ANKRD36B: variants seen among roughly 807,000 people sequenced by gnomAD.
The protein encoded by ANKRD36B is ankyrin repeat domain-containing protein 36B.
In ANKRD36B, 37 loss-of-function variants were observed where a neutral mutation model predicts 135.7. The observed-to-expected ratio is 0.27, with a 90% CI of 0.21 to 0.36. The LOEUF is 0.36. Among genes scored for constraint, ANKRD36B ranks in the 10% least tolerant of loss-of-function variants. ANKRD36B has a pLI of 1.00. For missense variants in ANKRD36B, 549 were observed against 1,037.1 expected (o/e 0.53, Z 6.46); for synonymous variants, 179 against 348.1 (o/e 0.51, Z 5.41).
rs528950417 is a variant in ANKRD36B at position 97,527,054 on chromosome 2, C to T, written c.2266-3587G>A. Among the ~76,000 whole-genome samples, 237 of 94,938 alleles carry T rather than the reference C, an allele frequency of 2.5e-3. 69 individuals carry two copies. The highest frequency in any genetic ancestry group is 6.8e-3 in the African/African-American group (216 of 31,568). 62.3% of individuals were successfully genotyped at this position (94,938 alleles called of 152,430 possible). A position where few individuals can be genotyped will look rare whatever the true frequency, so the allele number is the denominator to read the frequency against. Reference sequence around the variant, plus strand: ...ATTCAGATTCAGGAAATACAGACAACGCCACAAAGATACCCCTCGAGAAGA... The same window carrying T: ...ATTCAGATTCAGGAAATACAGACAATGCCACAAAGATACCCCTCGAGAAGA... On this transcript the variant is annotated intron_variant, in intron 35 of 43. Coordinates refer to ENST00000359901, the MANE Select transcript of ANKRD36B (RefSeq NM_001393939.1).
chr2:97,582,667 T>C (rs1324770155), intron 3 of ANKRD36B, among the ~76,000 whole-genome samples: 1 of 152,230 alleles, frequency 6.6e-6, no homozygotes, highest in Non-Finnish European at 1.5e-5. Flanking sequence ...ACATTTGGAC[T>C]ATATACCTTG....
chr2:97,587,575 TATAAGGG>T lies in ANKRD36B; in HGVS notation c.161+1943_161+1949del, dbSNP rs2083104173. Among the ~76,000 whole-genome samples the T allele has an allele frequency of 2.0e-5, 3 of 152,176 alleles. 1 individual carries two copies. The highest frequency in any genetic ancestry group is 2.0e-4 in the Admixed American group (3 of 15,276). On this transcript the variant is annotated intron_variant, in intron 1 of 43. Transcript: ENST00000359901. ...AATTTATAAAATTTATAAAATCCAC[TATAAGGG>T]GTTTTCCAAATACACTGCTATTTTA...
chr2:97,566,157 TAC>T (rs1214936782), intron 6 of ANKRD36B, among the ~76,000 whole-genome samples: 1 of 95,358 alleles, frequency 1.0e-5, no homozygotes, highest in Non-Finnish European at 2.8e-5. Flanking sequence ...TCAACAAAAA[TAC>T]AAAAAAAAAA....
chr2:97,550,292 T>G (rs1003299036), intron 18 of ANKRD36B, among the ~76,000 whole-genome samples: 1 of 150,104 alleles, frequency 6.7e-6, no homozygotes, highest in African/African-American at 2.4e-5. Context: ...GGATAATATA[T>G]TAGCCTCAAT....
At chr2:97,573,559 A>G (rs1413907699) in intron 6 of ANKRD36B, among the ~76,000 whole-genome samples, 3 of 152,134 alleles carry the variant, frequency 2.0e-5, no homozygotes, top group African/African-American at 7.2e-5. Context: ...ATATGGAACC[A>G]AAAAAGAGCC....
rs529321392 is a variant in ANKRD36B at position 97,560,938 on chromosome 2, T to C, written c.764-78A>G. On this transcript the variant is annotated intron_variant, in intron 6 of 43. Coordinates refer to ENST00000359901, the MANE Select transcript of ANKRD36B (RefSeq NM_001393939.1). ...TCCATACATTAATGCATGGATAGCA[T>C]GTTAGCATCAAGTTTTGTACTCCTG... is the stretch of plus-strand genomic sequence containing the variant. 23 of 1,198,964 alleles carry C rather than the reference T, an allele frequency of 1.9e-5. No individual in the cohort carries two copies. The East Asian group carries it at 5.8e-4, about 30-fold the overall frequency. The allele number at this position is 1,198,964 out of a possible 1,614,324, so 74.3% of individuals were successfully genotyped here. A position where few individuals can be genotyped will look rare whatever the true frequency, so the allele number is the denominator to read the frequency against.
rs1164908380 is a variant in ANKRD36B at position 97,573,958 on chromosome 2, C to T, written c.763+2421G>A. Among the ~76,000 whole-genome samples, 5 of 152,222 alleles carry T rather than the reference C, an allele frequency of 3.3e-5. No homozygotes were observed. The East Asian group carries it at 9.6e-4, about 29-fold the overall frequency. On this transcript the variant is annotated intron_variant, in intron 6 of 43. Transcript: ENST00000359901. ...CCCTAAAAGAAAACCTAGGCAATAC[C>T]ATTCAGGACATAGGCATGGGCAAGG...
rs1402457792 is a variant in ANKRD36B, at chr2:97,530,438, A to C, written c.2265+1873T>G. ...ATTAAAGGCTTAAACGTTAGACCTA[A>C]AACCATAAAAACCCTAGAAGAAAAC... is the stretch of plus-strand genomic sequence containing the variant. On this transcript the variant is annotated intron_variant, in intron 35 of 43. Coordinates refer to ENST00000359901, the MANE Select transcript of ANKRD36B (RefSeq NM_001393939.1). Among the ~76,000 whole-genome samples, 8 of 95,086 alleles carry C rather than the reference A, an allele frequency of 8.4e-5. 3 individuals carry two copies. The highest frequency in any genetic ancestry group is 1.7e-4 in the Non-Finnish European group (6 of 35,898). 62.4% of individuals were successfully genotyped at this position (95,086 alleles called of 152,430 possible). A position where few individuals can be genotyped will look rare whatever the true frequency, so the allele number is the denominator to read the frequency against.
At chr2:97,561,898 GC>G (rs2081058933) in intron 6 of ANKRD36B, among the ~76,000 whole-genome samples, 1 of 151,892 alleles carries the variant, frequency 6.6e-6, no homozygotes, top group Non-Finnish European at 1.5e-5. Context: ...AGTCACTGTG[GC>G]TTATCCCAAT....
rs1237958900 is a variant in ANKRD36B at position 97,540,905 on chromosome 2, T to TA, written c.1886-677dup. On this transcript the variant is annotated intron_variant, in intron 28 of 43. Transcript: ENST00000359901. ...CCATTCATGGCACCAAAGGATAATA[T>TA]ATTAGCCTCAATAAAAATATCATCA... is the stretch of plus-strand genomic sequence containing the variant. 2.1e-5 allele frequency among the ~76,000 whole-genome samples: 2 copies of TA among 96,704 alleles called. 1 individual carries two copies. The highest frequency in any genetic ancestry group is 5.5e-5 in the Non-Finnish European group (2 of 36,298). 63.4% of individuals were successfully genotyped at this position (96,704 alleles called of 152,430 possible).
Position 97,564,156 on chromosome 2 carries a change from T to A in ANKRD36B, c.764-3296A>T, listed in dbSNP as rs185124457. Among the ~76,000 whole-genome samples the A allele has an allele frequency of 1.1e-3, 169 of 151,792 alleles. 4 individuals are homozygous for A. The highest frequency in any genetic ancestry group is 0.011 in the Admixed American group (166 of 15,206). ...TAATGTGCATTTGGGTGATTTCTTT[T>A]GCTTTTTTTAAAAAAAAATTTAATT... is the stretch of plus-strand genomic sequence containing the variant. On this transcript the variant is annotated intron_variant, in intron 6 of 43. Transcript: ENST00000359901.
At chr2:97,549,345 G>C in intron 20 of ANKRD36B, 74 bp downstream of exon 20, 1 of 1,474,142 alleles carries the variant, frequency 6.8e-7, no homozygotes, top group South Asian at 1.2e-5. Flanking sequence ...CGAGCCCCCC[G>C]CTGATTTATT....
chr2:97,559,812 T>C (rs1031484356), intron 8 of ANKRD36B, among the ~76,000 whole-genome samples: 2 of 151,976 alleles, frequency 1.3e-5, no homozygotes, highest in Non-Finnish European at 2.9e-5. Flanking sequence ...GAATTCAACA[T>C]CATTTTTGTT....
intron 35 of ANKRD36B, among the ~76,000 whole-genome samples, chr2:97,530,490 C>CATGG (rs2078511890): frequency 1.0e-5 from 1 of 95,332 alleles, no homozygotes; most frequent in South Asian, 2.3e-4. Flanking sequence ...AGGACATAGG[C>CATGG]ATGGGCAAGG....
intron 16 of ANKRD36B, 98 bp downstream of exon 16, chr2:97,553,070 A>G (rs1405583914): frequency 8.5e-6 from 12 of 1,417,392 alleles, no homozygotes; most frequent in African/African-American, 4.4e-5. Flanking sequence ...GTGCAGCTTC[A>G]GCGAGCCCCC....
chr2:97,589,872 C>G lies in ANKRD36B; in HGVS notation c.-187G>C. On this transcript the variant is annotated 5_prime_UTR_variant, in exon 1 of 44. Transcript: ENST00000359901. ...CCCGCCTCTCCGCAGAAACGCCCAA[C>G]AGAAGGGTTAGAACCAGCGAGCACG... The G allele has an allele frequency of 1.2e-6, 1 of 808,710 alleles. No homozygotes were observed. Among genetic ancestry groups the G allele is most frequent in the South Asian group, 1.7e-5 (1 of 58,360 alleles). The allele number at this position is 808,710 out of a possible 1,614,324, so 50.1% of individuals were successfully genotyped here. A position where few individuals can be genotyped will look rare whatever the true frequency, so the allele number is the denominator to read the frequency against.
rs1275640730 is a variant in ANKRD36B at position 97,556,927 on chromosome 2, G to A, written c.1069+10C>T. ...GTGCACATGACATTAAATGTGTATT[G>A]CCAAATTACCTGTTCCAGATTTCCC... On this transcript the variant is annotated intron_variant, in intron 12 of 43. Coordinates refer to ENST00000359901, the MANE Select transcript of ANKRD36B (RefSeq NM_001393939.1). 1.3e-6 allele frequency: 2 copies of A among 1,580,508 alleles called. No individual in the cohort carries two copies. The highest frequency in any genetic ancestry group is 1.7e-6 in the Non-Finnish European group (2 of 1,163,102).
At chr2:97,567,223 C>G (rs2081506462) in intron 6 of ANKRD36B, among the ~76,000 whole-genome samples, 2 of 150,720 alleles carry the variant, frequency 1.3e-5, no homozygotes, top group African/African-American at 4.9e-5. Flanking sequence ...TGGGAACATC[C>G]ATGTATTCTC....
intron 14 of ANKRD36B, 83 bp downstream of exon 14, chr2:97,554,977 G>GC (rs761163882): frequency 6.9e-5 from 103 of 1,496,672 alleles, no homozygotes; most frequent in Middle Eastern, 3.4e-4. Context: ...GCTTTGATGA[G>GC]CCCCCCCACT....
Sources: allele counts gnomAD v4.1 joint callset (sites outside exome capture counted in the v4.1 genomes callset), GRCh38; gene constraint gnomAD v4.1.1; transcripts MANE v1.5; gene names NCBI Gene and HGNC (gene_info 2026-07-23, HGNC 2026-07-21).